AMZ1: variants seen among roughly 807,000 people sequenced by gnomAD.
The protein encoded by AMZ1 is archaemetzincin-1.
AMZ1 carries 39 observed loss-of-function variants against 29.9 expected under a neutral mutation model. That is an observed-to-expected ratio of 1.30 (90% CI 1.01 to 1.70). The LOEUF (loss-of-function observed/expected upper bound fraction) is 1.70, where lower values mean the gene tolerates loss of function less well. Ranked by LOEUF, AMZ1 falls within the 40% of genes most tolerant of loss-of-function variation. AMZ1 has a pLI of 0.00. For missense variants in AMZ1, 1,041 were observed against 680.6 expected, an observed-to-expected ratio of 1.53 and a Z score of -5.89; for synonymous variants, 458 against 304.0, an observed-to-expected ratio of 1.51 and a Z score of -5.27.
intron 3 of AMZ1, 52 bp from the exon 4 acceptor site, chr7:2,708,536 A>G (rs1390706202): frequency 1.9e-6 from 3 of 1,605,036 alleles, no homozygotes; most frequent in East Asian, 4.5e-5. Context: ...AGCCTGGAAG[A>G]TGGGGGTCCC....
intron 5 of AMZ1, 108 bp downstream of exon 5, chr7:2,709,352 C>T: frequency 3.3e-6 from 4 of 1,213,790 alleles, no homozygotes; most frequent in Non-Finnish European, 3.3e-6. Context: ...GTGGATGGAC[C>T]CCTAACTCTA....
intron 1 of AMZ1, among the ~76,000 whole-genome samples, chr7:2,682,865 G>T (rs983855147): frequency 1.3e-5 from 2 of 152,118 alleles, no homozygotes; most frequent in Non-Finnish European, 1.5e-5. Context: ...GCCTGTGCTC[G>T]CACGGTTCCT....
Position 2,680,685 on chromosome 7 carries a change from G to A in AMZ1, c.-219+1014G>A, listed in dbSNP as rs146646643. 1.0e-3 allele frequency among the ~76,000 whole-genome samples: 154 copies of A among 152,340 alleles called. 1 individual carries two copies. The highest frequency in any genetic ancestry group is 3.3e-3 in the African/African-American group (138 of 41,584). ...CAGCTCTGGTCTCTTGGACGAAGCC[G>A]CTGGGCCGTGGGTTCAGCCTCCTCG... On this transcript the variant is annotated intron_variant, in intron 1 of 6. Transcript: ENST00000312371.
At chr7:2,721,534 G>T (rs1237118281), downstream of AMZ1, among the ~76,000 whole-genome samples, 2 of 152,096 alleles carry the variant, frequency 1.3e-5, no homozygotes, top group African/African-American at 4.8e-5. Flanking sequence ...CGCTAACACG[G>T]TGAAGCCCTG....
At chr7:2,680,730 G>A (rs1051750972) in intron 1 of AMZ1, among the ~76,000 whole-genome samples, 7 of 152,242 alleles carry the variant, frequency 4.6e-5, no homozygotes, top group Non-Finnish European at 8.8e-5. Context: ...CAGAGTTGGG[G>A]CCCCTCACGT....
rs1423187540 is a variant in AMZ1 at position 2,717,915 on chromosome 7, T to TC, written c.*5041dup. On this transcript the variant is annotated 3_prime_UTR_variant, in exon 7 of 7. Coordinates refer to ENST00000683327, the MANE Select transcript of AMZ1 (RefSeq NM_001384743.1). ...GTCACCACGCGTTCAGTCCAACTCT[T>TC]CCCCGCTGCAGTGTTCCCGTGACGA... Among the ~76,000 whole-genome samples, 1 of 152,066 alleles carries TC rather than the reference T, an allele frequency of 6.6e-6. No homozygotes were observed. Among genetic ancestry groups the TC allele is most frequent in the Non-Finnish European group, 1.5e-5 (1 of 68,000 alleles).
chr7:2,760,476 T>TCA (rs1360115060), upstream of AMZ1: 2 of 152,442 alleles, frequency 1.3e-5, no homozygotes, highest in East Asian at 3.8e-4. Flanking sequence ...CAGGCCCTTC[T>TCA]GCCTGTCAAA....
intron 3 of AMZ1, among the ~76,000 whole-genome samples, chr7:2,706,266 C>T (rs1014943447): frequency 2.0e-5 from 3 of 152,156 alleles, no homozygotes; most frequent in Non-Finnish European, 2.9e-5. Flanking sequence ...GCCTTGAACT[C>T]CTGGGCTCCT....
At chr7:2,725,914 C>T (rs777923306) in intron 4 of AMZ1, among the ~76,000 whole-genome samples, 4 of 142,526 alleles carry the variant, frequency 2.8e-5, no homozygotes, top group Non-Finnish European at 3.0e-5. Context: ...GCGTCCAGCC[C>T]GCCCGCTGCA....
chr7:2,738,931 G>A (rs953320564), intron 4 of AMZ1, among the ~76,000 whole-genome samples: 13 of 151,992 alleles, frequency 8.6e-5, no homozygotes, highest in East Asian at 7.8e-4. Flanking sequence ...GTGTAGCCTC[G>A]TGGCTGTGCC....
At chr7:2,709,330 C>A in intron 5 of AMZ1, 86 bp downstream of exon 5, 2 of 1,336,374 alleles carry the variant, frequency 1.5e-6, no homozygotes, top group African/African-American at 1.5e-5. Context: ...ACTGCCCCAT[C>A]CTCACAGTGA....
At chr7:2,719,872 G>A (rs1169047387), downstream of AMZ1, among the ~76,000 whole-genome samples, 2 of 152,046 alleles carry the variant, frequency 1.3e-5, no homozygotes, top group Non-Finnish European at 2.9e-5. Context: ...TAGTAGAAAT[G>A]GGGTTTCATC....
chr7:2,717,066 A>G lies in AMZ1; in HGVS notation c.*4188A>G, dbSNP rs1019369150. Among the ~76,000 whole-genome samples the G allele has an allele frequency of 3.3e-5, 5 of 152,252 alleles. No homozygotes were observed. The East Asian group carries it at 7.7e-4, about 24-fold the overall frequency. On this transcript the variant is annotated 3_prime_UTR_variant, in exon 7 of 7. Transcript: ENST00000683327. ...ACCCTGATCCCTGAGCAGCCCCCAC[A>G]CACCGGCACCCACGCCCCTCGGTTC... is the stretch of plus-strand genomic sequence containing the variant.
intron 4 of AMZ1, among the ~76,000 whole-genome samples, chr7:2,734,468 G>C (rs1389871793): frequency 6.6e-6 from 1 of 152,228 alleles, no homozygotes; most frequent in Non-Finnish European, 1.5e-5. Context: ...ATGTACAGGG[G>C]CAAGGTCATA....
At chr7:2,753,615 A>G (rs1791143259) in intron 4 of AMZ1, among the ~76,000 whole-genome samples, 1 of 152,102 alleles carries the variant, frequency 6.6e-6, no homozygotes, top group Non-Finnish European at 1.5e-5. Context: ...TTGTTTCTGT[A>G]TTTTAGCTAT....
At chr7:2,753,045 C>T (rs1389817646) in intron 4 of AMZ1, among the ~76,000 whole-genome samples, 1 of 152,190 alleles carries the variant, frequency 6.6e-6, no homozygotes, top group East Asian at 1.9e-4. Flanking sequence ...CCCTTGGTAA[C>T]CACGAATCTG....
chr7:2,760,801 G>A (rs1399191327), upstream of AMZ1, among the ~76,000 whole-genome samples: 3 of 152,224 alleles, frequency 2.0e-5, no homozygotes, highest in East Asian at 5.8e-4. Context: ...CGTCCCAGCT[G>A]CGTGGCTTTA....
chr7:2,691,742 A>AAAAAAAAT (rs1787401976), intron 1 of AMZ1, among the ~76,000 whole-genome samples: 1 of 151,416 alleles, frequency 6.6e-6, no homozygotes, highest in South Asian at 2.1e-4. Flanking sequence ...AAAAAAAAAA[A>AAAAAAAAT]AAAAAATAAG....
intron 4 of AMZ1, among the ~76,000 whole-genome samples, chr7:2,748,231 G>C (rs941418377): frequency 6.6e-6 from 1 of 151,550 alleles, no homozygotes; most frequent in African/African-American, 2.4e-5. Context: ...AACAAAGCTG[G>C]AGGCATCACG....
Sources: allele counts gnomAD v4.1 joint callset (sites outside exome capture counted in the v4.1 genomes callset), GRCh38; gene constraint gnomAD v4.1.1; transcripts MANE v1.5; gene names NCBI Gene and HGNC (gene_info 2026-07-23, HGNC 2026-07-21).